The following UTRN variants were observed in gnomAD, a reference collection of about 807,000 sequenced individuals.
UTRN encodes the protein dystrophin-related protein 1.
A neutral mutation model predicts 463.9 loss-of-function variants in UTRN; 283 were observed. The ratio of observed to expected loss-of-function variants is 0.61; its 90% CI spans 0.55 to 0.67. UTRN has a LOEUF of 0.67. UTRN is among the 30% of genes least tolerant of loss of function. UTRN has a pLI of 0.00. For missense variants in UTRN, 3,922 were observed against 4,084.3 expected, an observed-to-expected ratio of 0.96 and a Z score of 1.08; for synonymous variants, 1,442 against 1,431.5, an observed-to-expected ratio of 1.01 and a Z score of -0.17.
rs552101212 is a variant in UTRN, at chr6:144,377,519, G to A, written c.80-25604G>A. ...ACCCTATATGATCTTTGAATTCAGA[G>A]CCTTGATGCTAGCCTGAGAGTCTGT... On this transcript the variant is annotated intron_variant, in intron 2 of 74. Transcript: ENST00000367545. Among the ~76,000 whole-genome samples the A allele has an allele frequency of 4.6e-5, 7 of 152,270 alleles. No individual in the cohort carries two copies. In the South Asian group the frequency reaches 6.2e-4, roughly 14 times the overall value.
rs186992203 is a variant in UTRN, at chr6:144,482,676, G to A, written c.3687+288G>A. On this transcript the variant is annotated intron_variant, in intron 27 of 74. Coordinates refer to ENST00000367545, the MANE Select transcript of UTRN (RefSeq NM_007124.3). The stretch of plus-strand genomic sequence containing the variant: ...ATATTCAAACTTTACTTTTTTTATA[G>A]GTGCAATCCAGGTTTTCATGTAACA... Among the ~76,000 whole-genome samples, 319 of 152,090 alleles carry A rather than the reference G, an allele frequency of 2.1e-3. 3 individuals are homozygous for A. Among genetic ancestry groups the A allele is most frequent in the East Asian group, 9.8e-3 (51 of 5,180 alleles).
chr6:144,606,658 C>T (rs1490024436), intron 51 of UTRN, among the ~76,000 whole-genome samples: 1 of 152,178 alleles, frequency 6.6e-6, no homozygotes, highest in African/African-American at 2.4e-5. Flanking sequence ...GTATCCAACA[C>T]TCTCGAATTG....
rs1333769413 is a variant in UTRN at position 144,717,627 on chromosome 6, C to CTTTTTTTTTTTTTTTTTTTTTTTTTT, written c.7810-12724_7810-12723insTTTTTTTTTTTTTTTTTTTTTTTTTT. The stretch of plus-strand genomic sequence containing the variant: ...ATTTTTTTCTTTTTCTTTTTCTTTT[C>CTTTTTTTTTTTTTTTTTTTTTTTTTT]TTTTTTCTTTTTTTTTTTTTTTTTT... On this transcript the variant is annotated intron_variant, in intron 53 of 74. Transcript: ENST00000367545. 3.8e-4 allele frequency among the ~76,000 whole-genome samples: 43 copies of CTTTTTTTTTTTTTTTTTTTTTTTTTT among 112,676 alleles called. 3 individuals are homozygous for CTTTTTTTTTTTTTTTTTTTTTTTTTT. The highest frequency in any genetic ancestry group is 1.6e-3 in the African/African-American group (36 of 22,956). The allele number at this position is 112,676 out of a possible 152,430, so 73.9% of individuals were successfully genotyped here.
chr6:144,820,880 A>G lies in UTRN; in HGVS notation c.9358-2A>G, dbSNP rs1414048725. On this transcript the variant is annotated splice_acceptor_variant, in intron 65 of 74. Transcript: ENST00000367545. LOFTEE classifies it high-confidence loss of function. Reference sequence around the variant, plus strand: ...GAAGTGTAATTGTTTTCAACCTTATAGACAACATCTGGGGAAGATGTACGA... The same window carrying G: ...GAAGTGTAATTGTTTTCAACCTTATGGACAACATCTGGGGAAGATGTACGA... 2 of 1,612,466 alleles carry G rather than the reference A, an allele frequency of 1.2e-6. No individual in the cohort carries two copies. The highest frequency in any genetic ancestry group is 1.1e-5 in the South Asian group (1 of 90,676).
Position 144,328,743 on chromosome 6 carries a change from C to A in UTRN, c.79+36836C>A, listed in dbSNP as rs148150775. 6.7e-4 allele frequency among the ~76,000 whole-genome samples: 101 copies of A among 151,684 alleles called. 1 individual carries two copies. In the East Asian group the frequency reaches 0.017, roughly 25 times the overall value. Reference sequence around the variant, plus strand: ...GTTTTTATTCTTTATCTTCATCCCCCCTTCATTGCCCCCATAGACTCCTTT... The same window carrying A: ...GTTTTTATTCTTTATCTTCATCCCCACTTCATTGCCCCCATAGACTCCTTT... On this transcript the variant is annotated intron_variant, in intron 2 of 74. Coordinates refer to ENST00000367545, the MANE Select transcript of UTRN (RefSeq NM_007124.3).
Position 144,690,088 on chromosome 6 carries a change from TTTTTTTTTG to T in UTRN, c.7653-9997_7653-9989del, listed in dbSNP as rs1249093991. ...CAAAAGTTTCTGTTTTTTTTTTTTTTTTTTTTTTGTGTGTGTGTGTGTGTGTGTGTGTGT... is the reference window on the plus strand; with the variant it reads ...CAAAAGTTTCTGTTTTTTTTTTTTTTTGTGTGTGTGTGTGTGTGTGTGTGT... On this transcript the variant is annotated intron_variant, in intron 52 of 74. Coordinates refer to ENST00000367545, the MANE Select transcript of UTRN (RefSeq NM_007124.3). 1.2e-3 allele frequency among the ~76,000 whole-genome samples: 68 copies of T among 55,268 alleles called. 1 individual carries two copies. The highest frequency in any genetic ancestry group is 1.3e-3 in the Non-Finnish European group (37 of 29,062). 36.3% of individuals were successfully genotyped at this position (55,268 alleles called of 152,430 possible).
chr6:144,479,172 G>A (rs913257392), intron 25 of UTRN, among the ~76,000 whole-genome samples: 3 of 138,802 alleles, frequency 2.2e-5, no homozygotes, highest in African/African-American at 8.2e-5. Flanking sequence ...GGGTTAGAGT[G>A]CAGTGGTGCG....
rs1273520893 is a variant in UTRN at position 144,381,296 on chromosome 6, A to C, written c.80-21827A>C. Among the ~76,000 whole-genome samples, 3 of 152,072 alleles carry C rather than the reference A, an allele frequency of 2.0e-5. No individual in the cohort carries two copies. The East Asian group carries it at 5.8e-4, about 29-fold the overall frequency. On this transcript the variant is annotated intron_variant, in intron 2 of 74. Coordinates refer to ENST00000367545, the MANE Select transcript of UTRN (RefSeq NM_007124.3). ...TATTTGGCTTTCTGTTCATATGTTA[A>C]TTTGCTAAGGATAATGGCCTCCAGC...
chr6:144,397,640 T>C (rs1275891440), intron 2 of UTRN, among the ~76,000 whole-genome samples: 1 of 152,094 alleles, frequency 6.6e-6, no homozygotes, highest in African/African-American at 2.4e-5. Flanking sequence ...TTGTGAGGTA[T>C]TGAGTCTGAG....
intron 9 of UTRN, 23 bp downstream of exon 9, chr6:144,429,764 A>C (rs763550321): frequency 2.5e-6 from 4 of 1,595,788 alleles, no homozygotes; most frequent in African/African-American, 1.4e-5. Context: ...TTTTATTAAG[A>C]TGTTTGGCTT....
chr6:144,290,290 A>G (rs990423215), intron 1 of UTRN, among the ~76,000 whole-genome samples: 1 of 152,212 alleles, frequency 6.6e-6, no homozygotes, highest in Non-Finnish European at 1.5e-5. Context: ...TCTGAATTCA[A>G]TCAAAGATTA....
At chr6:144,823,975 G>C (rs1779814026) in intron 66 of UTRN, among the ~76,000 whole-genome samples, 1 of 152,166 alleles carries the variant, frequency 6.6e-6, no homozygotes, top group Non-Finnish European at 1.5e-5. Context: ...CATCCGACTA[G>C]AAGGAAGTAT....
At chr6:144,783,467 A>G (rs1374535327) in intron 61 of UTRN, among the ~76,000 whole-genome samples, 1 of 152,154 alleles carries the variant, frequency 6.6e-6, no homozygotes, top group Non-Finnish European at 1.5e-5. Flanking sequence ...ATAACTGTAC[A>G]TATTTATGAG....
In UTRN at chr6:144,532,113, G is replaced by T. The variant is rs185885349; in HGVS notation, c.6057+911G>T. On this transcript the variant is annotated intron_variant, in intron 42 of 74. Coordinates refer to ENST00000367545, the MANE Select transcript of UTRN (RefSeq NM_007124.3). ...GATCGTGCCACTGCACTCCAGCCTGGGTGACAGAGCAATACTGTGTCAATA... is the reference window on the plus strand; with the variant it reads ...GATCGTGCCACTGCACTCCAGCCTGTGTGACAGAGCAATACTGTGTCAATA... Among the ~76,000 whole-genome samples the T allele has an allele frequency of 5.7e-3, 860 of 151,920 alleles. 4 individuals carry two copies. Among genetic ancestry groups the T allele is most frequent in the Non-Finnish European group, 9.5e-3 (644 of 67,972 alleles).
intron 54 of UTRN, among the ~76,000 whole-genome samples, chr6:144,733,205 C>T (rs1340017026): frequency 6.6e-6 from 1 of 152,140 alleles, no homozygotes; most frequent in East Asian, 1.9e-4. Flanking sequence ...AATCCTTGTA[C>T]ATTACTGCCA....
rs1584859841 is a variant in UTRN at position 144,455,911 on chromosome 6, C to A, written c.2284+2042C>A. ...ACATTGAGTTCACATGAAAGTGCTA[C>A]TTGCAAAAGGCCAAAGGCAACACTG... On this transcript the variant is annotated intron_variant, in intron 19 of 74. Coordinates refer to ENST00000367545, the MANE Select transcript of UTRN (RefSeq NM_007124.3). Among the ~76,000 whole-genome samples the A allele has an allele frequency of 3.3e-5, 5 of 152,292 alleles. 1 individual carries two copies. The highest frequency in any genetic ancestry group is 3.3e-4 in the Admixed American group (5 of 15,300).
intron 17 of UTRN, among the ~76,000 whole-genome samples, chr6:144,450,469 C>G (rs1788158185): frequency 6.6e-6 from 1 of 152,190 alleles, no homozygotes; most frequent in Non-Finnish European, 1.5e-5. Flanking sequence ...TGTTGTTCTC[C>G]TTTAGGAAGC....
At chr6:144,849,672 T>TC (rs1782321207) in intron 74 of UTRN, among the ~76,000 whole-genome samples, 1 of 152,190 alleles carries the variant, frequency 6.6e-6, no homozygotes, top group Non-Finnish European at 1.5e-5. Flanking sequence ...GTATATATTT[T>TC]CACCTGGAGG....
intron 53 of UTRN, among the ~76,000 whole-genome samples, chr6:144,719,526 G>A (rs1295709601): frequency 4.6e-5 from 7 of 152,140 alleles, no homozygotes; most frequent in Admixed American, 1.3e-4. Context: ...GTGGTGAGCC[G>A]AAATGGCGCC....
Sources: gnomAD v4.1 joint callset for allele counts (sites outside exome capture counted in the v4.1 genomes callset) on GRCh38, gnomAD v4.1.1 for gene constraint, MANE v1.5 for transcripts, NCBI Gene and HGNC (gene_info 2026-07-23, HGNC 2026-07-21) for gene names.